Variants in LIMCH1 observed in about 807,000 individuals in gnomAD.
The protein encoded by LIMCH1 is LIM and calponin homology domains-containing protein 1.
LIMCH1 carries 113 observed loss-of-function variants against 176.5 expected under a neutral mutation model. The ratio of observed to expected loss-of-function variants is 0.64; its 90% CI spans 0.55 to 0.75. LIMCH1 has a LOEUF of 0.75. Among genes scored for constraint, LIMCH1 ranks in the 30% least tolerant of loss-of-function variants. The probability of loss-of-function intolerance (pLI) is 0.00; values close to 1 mark genes in which losing one functional copy is unlikely to be tolerated. For missense variants in LIMCH1, 1,674 were observed against 1,814.9 expected (o/e 0.92, Z 1.41); for synonymous variants, 619 against 645.9 (o/e 0.96, Z 0.63).
intron 3 of LIMCH1, among the ~76,000 whole-genome samples, chr4:41,527,775 A>C (rs1441187355): frequency 2.2e-5 from 3 of 137,578 alleles, no homozygotes; most frequent in African/African-American, 8.0e-5. Flanking sequence ...GTGAGCCAAG[A>C]TTGCGCCACT....
intron 1 of LIMCH1, among the ~76,000 whole-genome samples, chr4:41,480,218 G>A (rs2068358203): frequency 6.6e-6 from 1 of 152,104 alleles, no homozygotes; most frequent in Admixed American, 6.5e-5. Flanking sequence ...GTTCCCAAGT[G>A]CCAGACCTGG....
At chr4:41,361,676 C>T (rs1403337060) in intron 1 of LIMCH1, among the ~76,000 whole-genome samples, 3 of 152,206 alleles carry the variant, frequency 2.0e-5, no homozygotes, top group Non-Finnish European at 4.4e-5. Context: ...CCAGGGAAAT[C>T]ACTGGAGCTC....
At chr4:41,585,331 C>G (rs979931390) in intron 1 of LIMCH1, among the ~76,000 whole-genome samples, 1 of 152,202 alleles carries the variant, frequency 6.6e-6, no homozygotes, top group Non-Finnish European at 1.5e-5. Context: ...ACTTATTTCA[C>G]TTAGCATACT....
chr4:41,524,092 C>G (rs1225866984), intron 2 of LIMCH1, among the ~76,000 whole-genome samples: 1 of 152,182 alleles, frequency 6.6e-6, no homozygotes, highest in Admixed American at 6.6e-5. Context: ...ATACCTGGTT[C>G]CAGTTCCAGA....
Position 41,626,891 on chromosome 4 carries a change from A to G in LIMCH1, c.909A>G (p.Pro303=), listed in dbSNP as rs959634131. 5 of 1,536,186 alleles carry G rather than the reference A, an allele frequency of 3.3e-6. No individual in the cohort carries two copies. Among genetic ancestry groups the G allele is most frequent in the Non-Finnish European group, 4.4e-6 (5 of 1,146,922 alleles). The part of the protein sequence containing the change: ...ARRARMNQTK[P]MVPLNQLLYG... ...GAGCAAGGATGAACCAAACCAAGCC[A>G]ATGGTGCCATTAAATCAACTCCTCT... Residue 303 remains proline (P), a synonymous_variant, in exon 8 of 32, where the codon CCA becomes CCG. Coordinates refer to ENST00000503057, the MANE Select transcript of LIMCH1 (RefSeq NM_001330672.2).
At chr4:41,446,804 AGAAATTT>A (rs1185918200) in intron 1 of LIMCH1, among the ~76,000 whole-genome samples, 1 of 152,260 alleles carries the variant, frequency 6.6e-6, no homozygotes, top group East Asian at 1.9e-4. Flanking sequence ...AAGTGGCCTC[AGAAATTT>A]GAATTATCAT....
At chr4:41,594,254 T>G (rs1347091019) in intron 1 of LIMCH1, among the ~76,000 whole-genome samples, 1 of 152,368 alleles carries the variant, frequency 6.6e-6, no homozygotes, top group East Asian at 1.9e-4. Context: ...TGATTGCCAA[T>G]TTTTGTTTTA....
intron 1 of LIMCH1, among the ~76,000 whole-genome samples, chr4:41,545,418 G>A (rs1217489545): frequency 6.6e-6 from 1 of 152,122 alleles, no homozygotes; most frequent in African/African-American, 2.4e-5. Context: ...TTTTTTTCCT[G>A]TTCGTCAGTA....
In LIMCH1 at chr4:41,445,965, T is replaced by C. The variant is rs530414983; in HGVS notation, c.97-48571T>C. Among the ~76,000 whole-genome samples the C allele has an allele frequency of 3.3e-5, 5 of 152,180 alleles. No individual in the cohort carries two copies. The South Asian group carries it at 1.0e-3, about 32-fold the overall frequency. On this transcript the variant is annotated intron_variant, in intron 1 of 26. Transcript: ENST00000313860. ...CCTCTGTGAATGAGTTCCTAGAGAA[T>C]TGAAATTGTGGAAAGAACTAAAAGC...
intron 1 of LIMCH1, among the ~76,000 whole-genome samples, chr4:41,462,191 AG>A (rs1419436174): frequency 6.6e-6 from 1 of 152,136 alleles, no homozygotes; most frequent in Non-Finnish European, 1.5e-5. Context: ...TGGATTTGGG[AG>A]GGGGCAGTAT....
intron 29 of LIMCH1, among the ~76,000 whole-genome samples, chr4:41,688,393 C>T (rs16853485): frequency 0.18 from 26,917 of 152,156 alleles, 2,554 homozygotes; most frequent in Middle Eastern, 0.32. Context: ...TTTTAAAAGC[C>T]GCCTGAATTC....
At chr4:41,661,940 A>G (rs1585512794) in intron 19 of LIMCH1, 2 of 415,490 alleles carry the variant, frequency 4.8e-6, no homozygotes, top group South Asian at 3.6e-5. Flanking sequence ...ATGAATCTGG[A>G]CAGTGAGTAT....
At chr4:41,584,124 C>A (rs2152693764) in intron 1 of LIMCH1, among the ~76,000 whole-genome samples, 1 of 152,322 alleles carries the variant, frequency 6.6e-6, no homozygotes, top group South Asian at 2.1e-4. Flanking sequence ...CTATGAAATA[C>A]TTTGTTCCTG....
At chr4:41,649,361 C>T (rs1047766958) in intron 17 of LIMCH1, among the ~76,000 whole-genome samples, 1 of 152,146 alleles carries the variant, frequency 6.6e-6, no homozygotes, top group African/African-American at 2.4e-5. Context: ...GATTACACCA[C>T]TCCACTCCAG....
intron 1 of LIMCH1, among the ~76,000 whole-genome samples, chr4:41,464,531 C>T (rs1359987967): frequency 6.6e-6 from 1 of 151,840 alleles, no homozygotes; most frequent in Non-Finnish European, 1.5e-5. Flanking sequence ...TGCGTGCCCC[C>T]ACCCTGGCTA....
At chr4:41,574,691 G>A (rs914601570) in intron 1 of LIMCH1, among the ~76,000 whole-genome samples, 3 of 152,154 alleles carry the variant, frequency 2.0e-5, no homozygotes, top group African/African-American at 7.2e-5. Context: ...TGTGTTGAAT[G>A]TAAGCTATTA....
At chr4:41,506,884 CA>C (rs2074239652) in intron 2 of LIMCH1, among the ~76,000 whole-genome samples, 2 of 152,140 alleles carry the variant, frequency 1.3e-5, no homozygotes, top group Non-Finnish European at 2.9e-5. Context: ...GGAGATAATA[CA>C]GACTACACAG....
intron 13 of LIMCH1, among the ~76,000 whole-genome samples, chr4:41,635,703 A>T (rs1445759188): frequency 6.6e-6 from 1 of 152,206 alleles, no homozygotes; most frequent in African/African-American, 2.4e-5. Flanking sequence ...AGTAATAATC[A>T]CTATGTGTAA....
At chr4:41,628,416 T>C (rs1234714028) in intron 8 of LIMCH1, among the ~76,000 whole-genome samples, 3 of 137,538 alleles carry the variant, frequency 2.2e-5, no homozygotes, top group African/African-American at 9.8e-5. Context: ...AAAGAACTTA[T>C]TAAAAAAAAA....
Sources: gnomAD v4.1 joint callset for allele counts (sites outside exome capture counted in the v4.1 genomes callset) on GRCh38, gnomAD v4.1.1 for gene constraint, MANE v1.5 for transcripts, NCBI Gene and HGNC (gene_info 2026-07-23, HGNC 2026-07-21) for gene names.